The following PGAP6 variants were observed in gnomAD, a reference collection of about 807,000 sequenced individuals.
PGAP6 encodes the protein post-GPI attachment to proteins factor 6.
A neutral mutation model predicts 68.4 loss-of-function variants in PGAP6; 62 were observed. The observed-to-expected ratio is 0.91, with a 90% CI of 0.74 to 1.12. The LOEUF (loss-of-function observed/expected upper bound fraction) is 1.12, where lower values mean the gene tolerates loss of function less well. Among genes scored for constraint, PGAP6 ranks in the 50% most tolerant of loss-of-function variants. The pLI is 0.00. For synonymous variants in PGAP6, 575 were observed against 474.0 expected (o/e 1.21, Z -2.77); for missense variants, 1,188 against 1,068.5 (o/e 1.11, Z -1.56).
upstream of PGAP6, among the ~76,000 whole-genome samples, chr16:385,402 C>G (rs1322626981): frequency 5.5e-5 from 8 of 145,514 alleles, no homozygotes; most frequent in Admixed American, 1.4e-4. Flanking sequence ...AGCTCCACCT[C>G]CCGGGTTCAC....
intron 1 of PGAP6, among the ~76,000 whole-genome samples, chr16:378,919 G>C (rs1220945240): frequency 6.6e-6 from 1 of 152,192 alleles, no homozygotes; most frequent in African/African-American, 2.4e-5. Flanking sequence ...AAGGGCCCGT[G>C]GGAGACATCC....
intron 6 of PGAP6, among the ~76,000 whole-genome samples, chr16:375,781 C>G (rs564298747): frequency 2.6e-5 from 4 of 152,184 alleles, no homozygotes; most frequent in African/African-American, 9.7e-5. Context: ...CCACCCTCCT[C>G]GGCCTCCCAA....
intron 12 of PGAP6, 112 bp downstream of exon 12, chr16:372,499 C>A (rs1277026005): frequency 1.6e-5 from 16 of 1,001,334 alleles, no homozygotes; most frequent in Non-Finnish European, 2.2e-5. Flanking sequence ...CAACCCCCAG[C>A]AGATATGGGC....
At position 376,073 on chromosome 16, in the gene PGAP6, T is replaced by C. The variant is rs946563460; in HGVS notation, c.1224+63A>G. ...CGTGCCAAGGTAAATGAGGAGGCGC[T>C]GCAGGGGTTGCCCGGCGCCCTGCCC... On this transcript the variant is annotated intron_variant, in intron 6 of 12. Coordinates refer to ENST00000431232, the MANE Select transcript of PGAP6 (RefSeq NM_021259.3). 1.5e-5 allele frequency: 23 copies of C among 1,488,678 alleles called. No individual in the cohort carries two copies. The Admixed American group carries it at 4.6e-4, about 30-fold the overall frequency. The allele number at this position is 1,488,678 out of a possible 1,614,324, so 92.2% of individuals were successfully genotyped here. A position where few individuals can be genotyped will look rare whatever the true frequency, so the allele number is the denominator to read the frequency against.
At chr16:383,116 A>C (rs553971743), upstream of PGAP6, among the ~76,000 whole-genome samples, 2 of 151,786 alleles carry the variant, frequency 1.3e-5, no homozygotes, top group East Asian at 3.9e-4. Context: ...ACTCCGTCTC[A>C]AAAAACAAAA....
At chr16:372,370 T>C in intron 12 of PGAP6, 87 bp from the exon 13 acceptor site, 1 of 1,413,298 alleles carries the variant, frequency 7.1e-7, no homozygotes, top group South Asian at 1.3e-5. Context: ...ACTGGGGGCC[T>C]GCCCAGGTCT....
intron 11 of PGAP6, among the ~76,000 whole-genome samples, chr16:373,464 T>C (rs1304198889): frequency 6.6e-6 from 1 of 152,194 alleles, no homozygotes; most frequent in African/African-American, 2.4e-5. Flanking sequence ...CCTTCCTTCC[T>C]GGCATCCTCC....
chr16:377,715 G>A lies in PGAP6; in HGVS notation c.255C>T (p.Val85=). The A allele has an allele frequency of 6.3e-7, 1 of 1,596,030 alleles. No homozygotes were observed. Among genetic ancestry groups the A allele is most frequent in the South Asian group, 1.1e-5 (1 of 88,492 alleles). Residue 85 remains valine, a synonymous_variant, in exon 2 of 13, where the codon GTC becomes GTT. Coordinates refer to ENST00000431232, the MANE Select transcript of PGAP6 (RefSeq NM_021259.3). ...DAVLLRWLLQ[V]SRESGAACTD... Reference sequence around the variant, plus strand: ...TGCAGGCAGCGCCGCTCTCCCGGGAGACCTGCAGGAGCCAGCGTAGAAGCA... The same window carrying A: ...TGCAGGCAGCGCCGCTCTCCCGGGAAACCTGCAGGAGCCAGCGTAGAAGCA...
chr16:372,853 CAGCTCTGCCAGCCTCTGACT>C (rs1020450110), intron 11 of PGAP6, 126 bp from the exon 12 acceptor site: 4 of 650,928 alleles, frequency 6.1e-6, no homozygotes, highest in African/African-American at 3.7e-5. Flanking sequence ...ACCCTCAGAC[CAGCTCTGCCAGCCTCTGACT>C]AGCTCTGCCA....
Position 372,681 on chromosome 16 carries a change from A to G in PGAP6, c.1949T>C (p.Leu650Pro). The change falls in exon 12 of 13, where the codon CTG becomes CCG. Residue 650 changes from leucine (L) to proline (P), a missense_variant. Transcript: ENST00000431232. ...GTLVIAMSLQLDRRGMWNMLG... is the reference protein window; with the variant it reads ...GTLVIAMSLQPDRRGMWNMLG... ...CATGTTCCACATGCCCCTGCGGTCC[A>G]GCTGCAAGGACATGGCGATGACCAG... 1 of 1,612,498 alleles carries G rather than the reference A, an allele frequency of 6.2e-7. No individual in the cohort carries two copies. Among genetic ancestry groups the G allele is most frequent in the Non-Finnish European group, 8.5e-7 (1 of 1,179,822 alleles).
At chr16:377,945 C>T (rs535152893) in intron 1 of PGAP6, 97 bp from the exon 2 acceptor site, 6 of 1,115,256 alleles carry the variant, frequency 5.4e-6, no homozygotes, top group East Asian at 2.6e-5. Context: ...TGGAAGCCCC[C>T]GGGGACCCAC....
chr16:379,251 G>A (rs981677713), intron 1 of PGAP6, among the ~76,000 whole-genome samples: 1 of 152,172 alleles, frequency 6.6e-6, no homozygotes, highest in African/African-American at 2.4e-5. Flanking sequence ...CCCCTCCTGA[G>A]GAGGGAGACA....
rs370004240 is a variant in PGAP6 at position 375,425 on chromosome 16, C to T, written c.1235G>A (p.Arg412Gln). 1.4e-5 allele frequency: 22 copies of T among 1,612,162 alleles called. No individual in the cohort carries two copies. The highest frequency in any genetic ancestry group is 6.7e-5 in the Admixed American group (4 of 60,002). The change falls in exon 7 of 13, where the codon CGG becomes CAG. Residue 412 changes from arginine to glutamine, a missense_variant. Physicochemically the swap from Arg to Gln is conservative, Grantham distance 43. Coordinates refer to ENST00000431232, the MANE Select transcript of PGAP6 (RefSeq NM_021259.3). ...ISLRANKTEM[R>Q]NETVVVACVN... Reference sequence around the variant, plus strand: ...GCAGGCCACTACGACGGTCTCGTTCCGCATCTCTGTCTGGAAAGGGAGGCG... The same window carrying T: ...GCAGGCCACTACGACGGTCTCGTTCTGCATCTCTGTCTGGAAAGGGAGGCG...
intron 1 of PGAP6, among the ~76,000 whole-genome samples, chr16:378,205 C>G (rs1295020514): frequency 7.0e-6 from 1 of 142,606 alleles, no homozygotes; most frequent in Non-Finnish European, 1.6e-5. Context: ...CATCGCCACC[C>G]TGACTGCCAT....
rs2054335891 is a variant in PGAP6 at position 371,853 on chromosome 16, A to G, written c.*134T>C. The G allele has an allele frequency of 5.4e-6, 5 of 927,074 alleles. No homozygotes were observed. The highest frequency in any genetic ancestry group is 6.4e-6 in the Non-Finnish European group (4 of 624,936). 57.4% of individuals were successfully genotyped at this position (927,074 alleles called of 1,614,324 possible). A position where few individuals can be genotyped will look rare whatever the true frequency, so the allele number is the denominator to read the frequency against. On this transcript the variant is annotated 3_prime_UTR_variant, in exon 13 of 13. Coordinates refer to ENST00000431232, the MANE Select transcript of PGAP6 (RefSeq NM_021259.3). ...GAGGGGTGGCCCTCTCCTCAGTAGG[A>G]GGAAGTAAGAGGGTATCTAGGCCAA...
Position 377,144 on chromosome 16 carries a change from G to C in PGAP6, c.528C>G (p.Ala176=). 3 of 1,613,584 alleles carry C rather than the reference G, an allele frequency of 1.9e-6. No homozygotes were observed. Among genetic ancestry groups the C allele is most frequent in the South Asian group, 1.1e-5 (1 of 91,088 alleles). Reference sequence around the variant, plus strand: ...CCAGCAGTTCAGGCTGGAAGACGTAGGCACAGGTGGGAGCCAAGCCCTAGG... The same window carrying C: ...CCAGCAGTTCAGGCTGGAAGACGTACGCACAGGTGGGAGCCAAGCCCTAGG... ...IELKGLAPTC[A]YVFQPELLVT... Residue 176 remains alanine (A), a synonymous_variant, in exon 4 of 13, where the codon GCC becomes GCG. Transcript: ENST00000431232.
Position 377,570 on chromosome 16 carries a change from G to A in PGAP6, c.315C>T (p.Gly105=), listed in dbSNP as rs753250547. 27 of 1,578,372 alleles carry A rather than the reference G, an allele frequency of 1.7e-5. No individual in the cohort carries two copies. The highest frequency in any genetic ancestry group is 1.2e-4 in the South Asian group (10 of 86,868). ...CCAGCGGGTTGATGACCGGAGGGGC[G>A]CCGGAACGGAAGTGCCTGGAGACGG... ...DAEITVHFRS[G]APPVINPLGT... Residue 105 remains glycine (G), a synonymous_variant, in exon 3 of 13, where the codon GGC becomes GGT. Coordinates refer to ENST00000431232, the MANE Select transcript of PGAP6 (RefSeq NM_021259.3).
At position 381,889 on chromosome 16, in the gene PGAP6, C is replaced by A. The variant is rs2054442771; in HGVS notation, c.-68G>T. Reference sequence around the variant, plus strand: ...CCGCCGGCCCCCGCCGCCGCCCGGGCAGCCTCTGCCGCCTCCGCCTCTGCC... The same window carrying A: ...CCGCCGGCCCCCGCCGCCGCCCGGGAAGCCTCTGCCGCCTCCGCCTCTGCC... On this transcript the variant is annotated 5_prime_UTR_variant, in exon 1 of 13. Coordinates refer to ENST00000431232, the MANE Select transcript of PGAP6 (RefSeq NM_021259.3). 1.0e-6 allele frequency: 1 copy of A among 972,066 alleles called. No individual in the cohort carries two copies. Among genetic ancestry groups the A allele is most frequent in the Non-Finnish European group, 1.2e-6 (1 of 821,562 alleles). 60.2% of individuals were successfully genotyped at this position (972,066 alleles called of 1,614,324 possible).
At chr16:385,213 C>T (rs976794095), upstream of PGAP6, among the ~76,000 whole-genome samples, 1 of 151,378 alleles carries the variant, frequency 6.6e-6, no homozygotes, top group African/African-American at 2.4e-5. Flanking sequence ...TAGAGACAGA[C>T]ACACAAGGAT....
Sources: gnomAD v4.1 joint callset for allele counts (sites outside exome capture counted in the v4.1 genomes callset) on GRCh38, gnomAD v4.1.1 for gene constraint, MANE v1.5 for transcripts, NCBI Gene and HGNC (gene_info 2026-07-23, HGNC 2026-07-21) for gene names.